The following SAMD3 variants were observed in gnomAD, a reference collection of about 807,000 sequenced individuals.
SAMD3 encodes the protein sterile alpha motif domain containing 3, also known as sterile alpha motif domain-containing protein 3.
In SAMD3, 63 loss-of-function variants were observed where a neutral mutation model predicts 58.5. The observed-to-expected ratio is 1.08, with a 90% CI of 0.88 to 1.33. The LOEUF is 1.33. Among genes scored for constraint, SAMD3 ranks in the 40% most tolerant of loss-of-function variants. The pLI is 0.00. For synonymous variants in SAMD3, 220 were observed against 210.3 expected (o/e 1.05, Z -0.40); for missense variants, 604 against 608.4 (o/e 0.99, Z 0.08).
chr6:130,282,951 G>A (rs1775031519), intron 2 of SAMD3, among the ~76,000 whole-genome samples: 1 of 152,122 alleles, frequency 6.6e-6, no homozygotes, highest in South Asian at 2.1e-4. Flanking sequence ...CACAGCAATG[G>A]GGATAATCGG....
chr6:130,307,139 T>C (rs938663963), intron 2 of SAMD3, among the ~76,000 whole-genome samples: 1 of 152,230 alleles, frequency 6.6e-6, no homozygotes, highest in Non-Finnish European at 1.5e-5. Flanking sequence ...TCAAACTTTA[T>C]ACACATATCT....
chr6:130,181,041 G>A (rs1392412770), intron 7 of SAMD3, among the ~76,000 whole-genome samples: 9 of 145,858 alleles, frequency 6.2e-5, no homozygotes, highest in East Asian at 2.0e-4. Flanking sequence ...TCGGCCTCCC[G>A]GTTCAAGCGA....
intron 2 of SAMD3, among the ~76,000 whole-genome samples, chr6:130,234,502 T>C (rs994054066): frequency 2.6e-5 from 4 of 152,200 alleles, no homozygotes; most frequent in Non-Finnish European, 4.4e-5. Flanking sequence ...GGCTATCTTT[T>C]CATATATATG....
chr6:130,171,826 T>C (rs955627393), intron 8 of SAMD3, among the ~76,000 whole-genome samples: 4 of 152,188 alleles, frequency 2.6e-5, no homozygotes, highest in African/African-American at 9.7e-5. Context: ...TCGCCTACTA[T>C]TATTGTGTGG....
chr6:130,205,141 G>A (rs1268072207), intron 5 of SAMD3, among the ~76,000 whole-genome samples: 1 of 132,216 alleles, frequency 7.6e-6, no homozygotes, highest in African/African-American at 3.0e-5. Flanking sequence ...TAGAGCCCTG[G>A]AGTTTGGCTC....
At chr6:130,217,079 T>G (rs1339180851) in intron 1 of SAMD3, among the ~76,000 whole-genome samples, 1 of 152,190 alleles carries the variant, frequency 6.6e-6, no homozygotes, top group East Asian at 1.9e-4. Context: ...ACAATTCTAC[T>G]TCTGGGAAAA....
intron 5 of SAMD3, among the ~76,000 whole-genome samples, chr6:130,197,554 A>G (rs938246220): frequency 2.6e-5 from 4 of 152,116 alleles, no homozygotes; most frequent in African/African-American, 9.7e-5. Context: ...TTTTCAATTC[A>G]TACAAAACTG....
At chr6:130,358,435 T>C (rs181057980) in intron 1 of SAMD3, among the ~76,000 whole-genome samples, 24 of 152,316 alleles carry the variant, frequency 1.6e-4, no homozygotes, top group African/African-American at 4.8e-4. Context: ...TTGTTGTGTG[T>C]ACATGTCAGG....
chr6:130,207,387 A>T (rs1795178128), intron 5 of SAMD3, among the ~76,000 whole-genome samples: 1 of 152,016 alleles, frequency 6.6e-6, no homozygotes, highest in Admixed American at 6.6e-5. Flanking sequence ...TCAAAACAAC[A>T]CCATGAGAAA....
At chr6:130,260,781 C>T (rs536371741) in intron 2 of SAMD3, among the ~76,000 whole-genome samples, 4 of 152,328 alleles carry the variant, frequency 2.6e-5, no homozygotes, top group African/African-American at 9.6e-5. Context: ...AGACGCCTCA[C>T]CAGAGCAGTG....
At chr6:130,340,709 A>G (rs868320903) in intron 1 of SAMD3, among the ~76,000 whole-genome samples, 2 of 152,218 alleles carry the variant, frequency 1.3e-5, no homozygotes, top group African/African-American at 4.8e-5. Context: ...GGAAACTCTA[A>G]GAGAAAGAAA....
chr6:130,341,483 T>C (rs1254023167), intron 1 of SAMD3, among the ~76,000 whole-genome samples: 3 of 152,242 alleles, frequency 2.0e-5, no homozygotes, highest in Non-Finnish European at 4.4e-5. Context: ...TAAATGAAGC[T>C]TACTCTAGTT....
chr6:130,356,131 G>A (rs763614874), intron 1 of SAMD3, among the ~76,000 whole-genome samples: 56 of 152,166 alleles, frequency 3.7e-4, no homozygotes, highest in East Asian at 5.8e-4. Flanking sequence ...TAAAGTCTTC[G>A]TTGGTTTCCC....
intron 2 of SAMD3, among the ~76,000 whole-genome samples, chr6:130,234,305 G>T (rs553679962): frequency 1.3e-5 from 2 of 151,936 alleles, no homozygotes; most frequent in East Asian, 3.9e-4. Flanking sequence ...GCCCAAGCTG[G>T]AGTGCAATTA....
intron 2 of SAMD3, among the ~76,000 whole-genome samples, chr6:130,237,699 G>A (rs1386235331): frequency 1.3e-5 from 2 of 152,132 alleles, no homozygotes; most frequent in Non-Finnish European, 2.9e-5. Flanking sequence ...GCTCAGGGAG[G>A]TGAATACATT....
At chr6:130,214,310 A>C in intron 4 of SAMD3, 27 bp downstream of exon 4, 1 of 1,508,010 alleles carries the variant, frequency 6.6e-7, no homozygotes, top group Non-Finnish European at 8.9e-7. Context: ...GGGAAAAAAA[A>C]ATAAGGCCAT....
upstream of SAMD3, chr6:130,365,488 C>G (rs1185943487): frequency 5.1e-6 from 5 of 985,366 alleles, no homozygotes; most frequent in Non-Finnish European, 6.0e-6. Context: ...CCCCGGCCCG[C>G]CGGGCGGCAT....
chr6:130,327,050 G>C (rs1235506690), intron 1 of SAMD3, among the ~76,000 whole-genome samples: 1 of 152,008 alleles, frequency 6.6e-6, no homozygotes, highest in East Asian at 1.9e-4. Context: ...ATTTGTTTTA[G>C]CTTGGCATGT....
Position 130,184,026 on chromosome 6 carries a change from T to C in SAMD3, c.654+77A>G, listed in dbSNP as rs1379531860. ...ACACCAAGAAAAGATGGGTGAAGCA[T>C]AAAATTACTGGGCAACACAAGGCAA... On this transcript the variant is annotated intron_variant, in intron 7 of 11. Coordinates refer to ENST00000439090, the MANE Select transcript of SAMD3 (RefSeq NM_001017373.4). 3 of 1,130,378 alleles carry C rather than the reference T, an allele frequency of 2.7e-6. No homozygotes were observed. The Admixed American group carries it at 5.5e-5, about 21-fold the overall frequency. 70.0% of individuals were successfully genotyped at this position (1,130,378 alleles called of 1,614,324 possible). A position where few individuals can be genotyped will look rare whatever the true frequency, so the allele number is the denominator to read the frequency against.
Sources: gnomAD v4.1 joint callset for allele counts (sites outside exome capture counted in the v4.1 genomes callset) on GRCh38, gnomAD v4.1.1 for gene constraint, MANE v1.5 for transcripts, NCBI Gene and HGNC (gene_info 2026-07-23, HGNC 2026-07-21) for gene names.